Variants in NRG1 observed in about 807,000 individuals in gnomAD.
NRG1 encodes the protein neuregulin 1, also known as pro-neuregulin-1, membrane-bound isoform.
In NRG1, 18 loss-of-function variants were observed where a neutral mutation model predicts 63.8. The ratio of observed to expected loss-of-function variants is 0.28; its 90% CI spans 0.19 to 0.42. The LOEUF is 0.42. NRG1 is among the 10% of genes least tolerant of loss of function. NRG1 has a pLI of 1.00. For synonymous variants in NRG1, 302 were observed against 301.3 expected, an observed-to-expected ratio of 1.00 and a Z score of -0.02; for missense variants, 762 against 814.7, an observed-to-expected ratio of 0.94 and a Z score of 0.79.
intron 1 of NRG1, among the ~76,000 whole-genome samples, chr8:32,120,487 T>A (rs1249178682): frequency 1.3e-5 from 2 of 152,042 alleles, no homozygotes; most frequent in Non-Finnish European, 2.9e-5. Context: ...TGCACACTGA[T>A]GATTTCCCTT....
chr8:32,769,956 A>T (rs1055505296), downstream of NRG1, among the ~76,000 whole-genome samples: 1 of 152,208 alleles, frequency 6.6e-6, no homozygotes, highest in African/African-American at 2.4e-5. Context: ...ATCTATTGTG[A>T]TCTACCTGAG....
chr8:32,068,607 A>G (rs1825261763), intron 1 of NRG1, among the ~76,000 whole-genome samples: 1 of 152,164 alleles, frequency 6.6e-6, no homozygotes, highest in Non-Finnish European at 1.5e-5. Context: ...GAGAGCCAAG[A>G]GTTCCAATCT....
intron 1 of NRG1, among the ~76,000 whole-genome samples, chr8:32,109,297 T>G (rs1370431808): frequency 1.3e-5 from 2 of 152,176 alleles, no homozygotes; most frequent in Non-Finnish European, 2.9e-5. Flanking sequence ...GCACAATAGA[T>G]CATGATTAGC....
intron 1 of NRG1, among the ~76,000 whole-genome samples, chr8:32,006,258 T>C (rs1394652993): frequency 6.6e-6 from 1 of 152,048 alleles, no homozygotes; most frequent in Non-Finnish European, 1.5e-5. Flanking sequence ...GTAAAAACTT[T>C]ATATTATCTT....
intron 1 of NRG1, among the ~76,000 whole-genome samples, chr8:32,352,262 T>C (rs1039766754): frequency 1.3e-5 from 2 of 151,160 alleles, no homozygotes; most frequent in African/African-American, 4.9e-5. Flanking sequence ...AATACACTGA[T>C]GAGACAGAAG....
At chr8:32,472,789 C>T (rs1410023691) in intron 1 of NRG1, among the ~76,000 whole-genome samples, 1 of 152,156 alleles carries the variant, frequency 6.6e-6, no homozygotes, top group African/African-American at 2.4e-5. Flanking sequence ...TGCGGGTTCC[C>T]CACCTCCCCC....
At chr8:32,529,776 C>T (rs912562002) in intron 1 of NRG1, among the ~76,000 whole-genome samples, 2 of 152,204 alleles carry the variant, frequency 1.3e-5, no homozygotes, top group Non-Finnish European at 2.9e-5. Context: ...GTAACACACA[C>T]GGAGCTGTCA....
intron 1 of NRG1, among the ~76,000 whole-genome samples, chr8:31,805,206 A>C (rs991154515): frequency 2.6e-5 from 4 of 152,082 alleles, no homozygotes; most frequent in African/African-American, 9.7e-5. Context: ...TTTCTTTATA[A>C]TAAAAATATG....
intron 1 of NRG1, among the ~76,000 whole-genome samples, chr8:32,060,895 T>C (rs1264355800): frequency 1.3e-5 from 2 of 151,920 alleles, no homozygotes; most frequent in African/African-American, 4.8e-5. Context: ...AAGTTAAAAT[T>C]GAGTCAAAAA....
At chr8:31,989,407 C>T (rs1227689844) in intron 1 of NRG1, among the ~76,000 whole-genome samples, 1 of 151,856 alleles carries the variant, frequency 6.6e-6, no homozygotes, top group Non-Finnish European at 1.5e-5. Context: ...TACCATGATC[C>T]TGAGGAGCAG....
chr8:31,640,491 G>T lies in NRG1; in HGVS notation c.37+1060G>T. On this transcript the variant is annotated intron_variant, in intron 1 of 10. Coordinates refer to the NRG1 transcript ENST00000519301. This position sits in a 1 kb window ranked among gnomAD's most constrained non-coding sequence, Gnocchi z 6.3. ...TGGTGAAGGTGCACCAGGTGTGGGC[G>T]GTGAAAGCCGGGGGCTTGAAGAAGG... 2 of 1,608,900 alleles carry T rather than the reference G, an allele frequency of 1.2e-6. No individual in the cohort carries two copies. Among genetic ancestry groups the T allele is most frequent in the South Asian group, 1.1e-5 (1 of 90,464 alleles).
chr8:32,465,090 G>A (rs912514236), intron 1 of NRG1, among the ~76,000 whole-genome samples: 2 of 152,078 alleles, frequency 1.3e-5, no homozygotes, highest in African/African-American at 4.8e-5. Flanking sequence ...CAAGAGAATC[G>A]CTTGAATCTG....
At chr8:32,626,618 T>A (rs539232562) in intron 5 of NRG1, among the ~76,000 whole-genome samples, 11 of 150,630 alleles carry the variant, frequency 7.3e-5, no homozygotes, top group African/African-American at 2.7e-4. Context: ...AGGTGGAGTT[T>A]GCAGTGAGCC....
In NRG1 at chr8:31,717,498, A is replaced by C. The variant is rs554435902; in HGVS notation, c.37+78067A>C. ...GAAGAGAAAATTTATTTATAGGAGG[A>C]CATGTAGGAAGGGCACTGAAGATTA... On this transcript the variant is annotated intron_variant, in intron 1 of 10. Coordinates refer to the NRG1 transcript ENST00000519301. Among the ~76,000 whole-genome samples, 117 of 151,808 alleles carry C rather than the reference A, an allele frequency of 7.7e-4. 1 individual carries two copies. Among genetic ancestry groups the C allele is most frequent in the African/African-American group, 2.8e-3 (117 of 41,414 alleles).
chr8:31,931,708 C>T (rs1274828169), intron 1 of NRG1, among the ~76,000 whole-genome samples: 1 of 152,164 alleles, frequency 6.6e-6, no homozygotes, highest in Non-Finnish European at 1.5e-5. Flanking sequence ...TCCAGGATTT[C>T]TAATAGCTTA....
At chr8:32,218,979 C>G (rs1296954341) in intron 1 of NRG1, among the ~76,000 whole-genome samples, 1 of 152,262 alleles carries the variant, frequency 6.6e-6, no homozygotes, top group East Asian at 1.9e-4. Flanking sequence ...TATTTTCTGC[C>G]AAACCCTGTG....
chr8:31,820,331 A>G (rs1395986657), intron 1 of NRG1, among the ~76,000 whole-genome samples: 1 of 152,178 alleles, frequency 6.6e-6, no homozygotes, highest in Non-Finnish European at 1.5e-5. Flanking sequence ...CTCCAGAGAT[A>G]GAAAGACTTG....
chr8:32,433,839 C>T (rs959611478), intron 1 of NRG1, among the ~76,000 whole-genome samples: 2 of 152,030 alleles, frequency 1.3e-5, no homozygotes, highest in Non-Finnish European at 1.5e-5. Flanking sequence ...ATTTTTTCTT[C>T]CTTGAACTGA....
At chr8:32,411,389 T>C (rs987977123) in intron 1 of NRG1, among the ~76,000 whole-genome samples, 5 of 152,154 alleles carry the variant, frequency 3.3e-5, no homozygotes, top group African/African-American at 1.2e-4. Context: ...GAAATAATGT[T>C]TGTACTATGT....
Sources: allele counts gnomAD v4.1 joint callset (sites outside exome capture counted in the v4.1 genomes callset), GRCh38; gene constraint gnomAD v4.1.1; non-coding constraint Gnocchi (gnomAD v3.1); transcripts MANE v1.5; gene names NCBI Gene and HGNC (gene_info 2026-07-23, HGNC 2026-07-21).